TTC27: variants seen among roughly 807,000 people sequenced by gnomAD.
The protein encoded by TTC27 is tetratricopeptide repeat protein 27.
A neutral mutation model predicts 115.9 loss-of-function variants in TTC27; 79 were observed. That is an observed-to-expected ratio of 0.68 (90% confidence interval 0.57 to 0.82). The LOEUF is 0.82. Among genes scored for constraint, TTC27 ranks in the 40% least tolerant of loss-of-function variants. The probability of loss-of-function intolerance (pLI) is 0.00; values close to 1 mark genes in which losing one functional copy is unlikely to be tolerated. For missense variants in TTC27, 1,054 were observed against 993.1 expected (o/e 1.06, Z -0.82); for synonymous variants, 401 against 356.0 (o/e 1.13, Z -1.42).
At chr2:32,806,711 G>T (rs1046357173) in intron 16 of TTC27, among the ~76,000 whole-genome samples, 1 of 151,978 alleles carries the variant, frequency 6.6e-6, no homozygotes, top group Non-Finnish European at 1.5e-5. Context: ...GAACCAAGAG[G>T]CAGAGGTTGC....
At chr2:32,665,211 A>G (rs1464910415) in intron 6 of TTC27, among the ~76,000 whole-genome samples, 2 of 152,072 alleles carry the variant, frequency 1.3e-5, no homozygotes, top group Admixed American at 1.3e-4. Context: ...TTATGAATAA[A>G]TATGATTTTG....
At chr2:32,636,210 C>T (rs982771158) in intron 3 of TTC27, among the ~76,000 whole-genome samples, 1 of 151,930 alleles carries the variant, frequency 6.6e-6, no homozygotes, top group Non-Finnish European at 1.5e-5. Flanking sequence ...GTACTTAATT[C>T]GCATTTCTTT....
intron 9 of TTC27, among the ~76,000 whole-genome samples, chr2:32,695,995 T>C (rs975901730): frequency 1.1e-4 from 17 of 150,858 alleles, no homozygotes; most frequent in African/African-American, 3.9e-4. Flanking sequence ...TGGTGGCATG[T>C]ACCTGTAATC....
At chr2:32,632,494 T>C (rs1664256726) in intron 2 of TTC27, among the ~76,000 whole-genome samples, 1 of 152,236 alleles carries the variant, frequency 6.6e-6, no homozygotes, top group Non-Finnish European at 1.5e-5. Context: ...AAAGTGTATT[T>C]TCAGTTCACC....
intron 12 of TTC27, among the ~76,000 whole-genome samples, chr2:32,743,701 T>G (rs1464326077): frequency 6.6e-6 from 1 of 152,212 alleles, no homozygotes; most frequent in African/African-American, 2.4e-5. Flanking sequence ...GTGTTTATAG[T>G]CCTAAGAAGA....
intron 12 of TTC27, among the ~76,000 whole-genome samples, chr2:32,743,288 G>T (rs1668706845): frequency 6.6e-6 from 1 of 152,126 alleles, no homozygotes; most frequent in Non-Finnish European, 1.5e-5. Context: ...GCCAAAAAGG[G>T]TAGTTTCATT....
chr2:32,774,151 T>C (rs1365262147), intron 13 of TTC27, among the ~76,000 whole-genome samples: 1 of 151,898 alleles, frequency 6.6e-6, no homozygotes, highest in Non-Finnish European at 1.5e-5. Flanking sequence ...TTAAATAAAA[T>C]GTTATTAAAA....
intron 13 of TTC27, among the ~76,000 whole-genome samples, chr2:32,760,896 T>C (rs1286740350): frequency 1.1e-4 from 16 of 152,312 alleles, no homozygotes; most frequent in African/African-American, 3.6e-4. Context: ...CTTCTCAGGC[T>C]CCCTTGCTGG....
intron 4 of TTC27, among the ~76,000 whole-genome samples, chr2:32,641,270 G>A (rs575996715): frequency 6.6e-6 from 1 of 152,324 alleles, no homozygotes; most frequent in African/African-American, 2.4e-5. Flanking sequence ...AGGTTTAGTG[G>A]AGGTTGTCAG....
chr2:32,782,547 AGT>A (rs2148017312), intron 14 of TTC27, 77 bp from the exon 15 acceptor site: 1 of 1,225,560 alleles, frequency 8.2e-7, no homozygotes, highest in South Asian at 1.3e-5. Context: ...GGACTAGGAG[AGT>A]GTGTTGTACT....
intron 5 of TTC27, among the ~76,000 whole-genome samples, chr2:32,661,211 C>T (rs1424848355): frequency 1.3e-5 from 2 of 152,118 alleles, no homozygotes; most frequent in African/African-American, 4.8e-5. Flanking sequence ...GTGATGCCTC[C>T]AGCTTTGTTC....
intron 13 of TTC27, among the ~76,000 whole-genome samples, chr2:32,770,066 A>C (rs1351697327): frequency 1.3e-5 from 2 of 152,222 alleles, no homozygotes; most frequent in African/African-American, 4.8e-5. Context: ...GGTGGAAAAA[A>C]TTGGGAAAAT....
chr2:32,648,487 A>C (rs1572474547), intron 4 of TTC27, among the ~76,000 whole-genome samples: 1 of 126,310 alleles, frequency 7.9e-6, no homozygotes, highest in Non-Finnish European at 1.6e-5. Flanking sequence ...AGTGTTGCCC[A>C]CCTGGTCTCA....
chr2:32,803,159 G>A (rs1671012587), intron 16 of TTC27, among the ~76,000 whole-genome samples: 1 of 152,188 alleles, frequency 6.6e-6, no homozygotes, highest in African/African-American at 2.4e-5. Flanking sequence ...GGTTCCTCAG[G>A]AAACCTCCCT....
intron 13 of TTC27, among the ~76,000 whole-genome samples, chr2:32,762,958 C>T (rs1200584126): frequency 6.6e-6 from 1 of 152,060 alleles, no homozygotes; most frequent in Non-Finnish European, 1.5e-5. Flanking sequence ...TAGTTTTTAG[C>T]CATGGCAATT....
At chr2:32,678,749 T>C in intron 8 of TTC27, 107 bp from the exon 9 acceptor site, 1 of 795,728 alleles carries the variant, frequency 1.3e-6, no homozygotes, top group Non-Finnish European at 2.0e-6. Flanking sequence ...AAATATCTGC[T>C]TTCAAATATA....
At chr2:32,757,351 T>C (rs1669268560) in intron 12 of TTC27, among the ~76,000 whole-genome samples, 1 of 152,212 alleles carries the variant, frequency 6.6e-6, no homozygotes, top group Non-Finnish European at 1.5e-5. Flanking sequence ...CTGATATCAT[T>C]AAGTAAACCT....
At chr2:32,798,613 G>A (rs757182923) in intron 16 of TTC27, among the ~76,000 whole-genome samples, 3 of 150,162 alleles carry the variant, frequency 2.0e-5, no homozygotes, top group Non-Finnish European at 3.0e-5. Context: ...GCTGAGGCAG[G>A]AGAATGGCAT....
intron 1 of TTC27, among the ~76,000 whole-genome samples, chr2:32,629,572 C>G (rs1221319563): frequency 6.6e-6 from 1 of 151,346 alleles, no homozygotes; most frequent in Non-Finnish European, 1.5e-5. Flanking sequence ...GTAGCTGGGA[C>G]TAAAGGCGCC....
Sources: allele counts gnomAD v4.1 joint callset (sites outside exome capture counted in the v4.1 genomes callset), GRCh38; gene constraint gnomAD v4.1.1; transcripts MANE v1.5; gene names NCBI Gene and HGNC (gene_info 2026-07-23, HGNC 2026-07-21).